Variants in MAMLD1 observed in about 807,000 individuals in gnomAD.
MAMLD1 encodes mastermind like domain containing 1, also known as mastermind-like domain-containing protein 1.
A neutral mutation model predicts 45.0 loss-of-function variants in MAMLD1; 14 were observed. The ratio of observed to expected loss-of-function variants is 0.31; its 90% CI spans 0.21 to 0.49. MAMLD1 has a LOEUF of 0.49. Ranked by LOEUF, MAMLD1 falls within the 20% of genes least tolerant of loss-of-function variation. The probability of loss-of-function intolerance (pLI) is 0.99; values close to 1 mark genes in which losing one functional copy is unlikely to be tolerated. For missense variants in MAMLD1, 543 were observed against 603.6 expected, an observed-to-expected ratio of 0.90 and a Z score of 1.05; for synonymous variants, 254 against 247.8, an observed-to-expected ratio of 1.02 and a Z score of -0.24.
chrX:150,390,114 G>A (rs1335014009), intron 1 of MAMLD1, among the ~76,000 whole-genome samples: 7 of 111,315 alleles, frequency 6.3e-5, no homozygotes, highest in Admixed American at 3.8e-4. Flanking sequence ...TTACCAGGCT[G>A]GAGTGCAGTG....
At chrX:150,497,800 A>C (rs2037433591) in intron 5 of MAMLD1, among the ~76,000 whole-genome samples, 1 of 111,944 alleles carries the variant, frequency 8.9e-6, no homozygotes, top group Non-Finnish European at 1.9e-5. Context: ...TACTTACTGC[A>C]ATAACAAAAG....
At chrX:150,364,993 G>T (rs2031296322) in intron 1 of MAMLD1, among the ~76,000 whole-genome samples, 1 of 112,049 alleles carries the variant, frequency 8.9e-6, no homozygotes, top group Non-Finnish European at 1.9e-5. Context: ...GGGGTCGACC[G>T]TGCACCCGCC....
chrX:150,466,616 G>A (rs983750711), intron 3 of MAMLD1, among the ~76,000 whole-genome samples: 4 of 112,482 alleles, frequency 3.6e-5, no homozygotes, highest in African/African-American at 9.7e-5. Context: ...AGTGGCATCC[G>A]CTCCAGCAGT....
chrX:150,503,307 GCCAGGCACCC>G lies in MAMLD1; in HGVS notation c.2080_2089del (p.His694SerfsTer450). 8.2e-7 allele frequency: 1 copy of G among 1,212,145 alleles called. No individual in the cohort carries two copies. The highest frequency in any genetic ancestry group is 1.1e-6 in the Non-Finnish European group (1 of 895,431). Reference sequence around the variant, plus strand: ...AGACAAAGCCTGCAAGCTTGGGGAAGCCAGGCACCCCCAGGTCAGCCTCGGGCGACAGCCC... The same window carrying G: ...AGACAAAGCCTGCAAGCTTGGGGAAGCCAGGTCAGCCTCGGGCGACAGCCC... On this transcript the variant is annotated frameshift_variant, in exon 6 of 8. Coordinates refer to ENST00000370401, the MANE Select transcript of MAMLD1 (RefSeq NM_005491.5). LOFTEE classifies it high-confidence loss of function.
chrX:150,381,156 A>G (rs1442652326), intron 1 of MAMLD1, among the ~76,000 whole-genome samples: 1 of 111,674 alleles, frequency 9.0e-6, no homozygotes, highest in Non-Finnish European at 1.9e-5. Context: ...CCACTGGTCA[A>G]TTTGCCTATT....
At chrX:150,494,494 TGA>T (rs2148344074) in intron 5 of MAMLD1, among the ~76,000 whole-genome samples, 1 of 112,895 alleles carries the variant, frequency 8.9e-6, no homozygotes, top group East Asian at 2.8e-4. Flanking sequence ...GATCCTCATG[TGA>T]CCTTCCTGAT....
chrX:150,470,748 C>A lies in MAMLD1; in HGVS notation c.1175C>A (p.Thr392Lys), dbSNP rs913468414. ...GSPNALLSSM[T>K]SSSNAALGPA... is the part of the protein sequence containing the mutation. Reference sequence around the variant, plus strand: ...CCCAATGCCTTACTGTCAAGCATGACGTCCAGCAGCAATGCTGCCCTGGGG... The same window carrying A: ...CCCAATGCCTTACTGTCAAGCATGAAGTCCAGCAGCAATGCTGCCCTGGGG... Residue 392 changes from threonine (T) to lysine (K), a missense_variant, in exon 4 of 8, where the codon ACG becomes AAG. Thr to Lys is a moderately conservative substitution (Grantham distance 78, BLOSUM62 -1). Transcript: ENST00000370401. The A allele has an allele frequency of 1.7e-6, 2 of 1,211,999 alleles. No homozygotes were observed. Among genetic ancestry groups the A allele is most frequent in the Non-Finnish European group, 2.2e-6 (2 of 895,558 alleles).
At chrX:150,478,458 C>G (rs2036649076) in intron 5 of MAMLD1, among the ~76,000 whole-genome samples, 1 of 112,789 alleles carries the variant, frequency 8.9e-6, no homozygotes, top group Non-Finnish European at 1.9e-5. Context: ...CTGCATTCCT[C>G]TCTCGTTTTG....
intron 6 of MAMLD1, chrX:150,504,063 C>A (rs1366228976): frequency 2.7e-6 from 2 of 752,386 alleles, no homozygotes; most frequent in Non-Finnish European, 3.1e-6. Context: ...GATTGCCCTG[C>A]TGGAGGACTG....
chrX:150,425,842 G>A (rs1247725179), intron 1 of MAMLD1, among the ~76,000 whole-genome samples: 2 of 112,475 alleles, frequency 1.8e-5, no homozygotes, highest in Non-Finnish European at 3.8e-5. Context: ...TGTACCTTGT[G>A]GGGTTGTTGG....
At chrX:150,453,626 C>T (rs782149928) in intron 2 of MAMLD1, among the ~76,000 whole-genome samples, 1 of 111,926 alleles carries the variant, frequency 8.9e-6, no homozygotes, top group African/African-American at 3.2e-5. Flanking sequence ...GAAGCCAATC[C>T]TTCCTCTGCT....
chrX:150,427,329 C>T (rs2034743024), intron 1 of MAMLD1, among the ~76,000 whole-genome samples: 1 of 112,441 alleles, frequency 8.9e-6, no homozygotes, highest in Non-Finnish European at 1.9e-5. Flanking sequence ...AATTACTCTG[C>T]CATCAACATT....
At chrX:150,489,569 C>A (rs1423546558) in intron 5 of MAMLD1, among the ~76,000 whole-genome samples, 5 of 104,829 alleles carry the variant, frequency 4.8e-5, no homozygotes, top group African/African-American at 1.7e-4. Context: ...GCGGTTTTTA[C>A]CATTAAAAGT....
In MAMLD1 at chrX:150,495,027, G is replaced by A. The variant is rs186692485; in HGVS notation, c.2041-8247G>A. On this transcript the variant is annotated intron_variant, in intron 5 of 7. Coordinates refer to ENST00000370401, the MANE Select transcript of MAMLD1 (RefSeq NM_005491.5). The stretch of plus-strand genomic sequence containing the variant: ...TCAAGACCAGCCTGGCCAACATGGC[G>A]AAATCCTGTCTCTACTAAAAATACA... 8.0e-5 allele frequency among the ~76,000 whole-genome samples: 9 copies of A among 112,108 alleles called. No individual in the cohort carries two copies. The South Asian group carries it at 1.5e-3, about 18-fold the overall frequency.
At chrX:150,362,483 G>A (rs192621860), upstream of MAMLD1, among the ~76,000 whole-genome samples, 3 of 104,652 alleles carry the variant, frequency 2.9e-5, no homozygotes, top group East Asian at 6.0e-4. Context: ...TCCCTTCATC[G>A]TGTCTCTACC....
rs1557402770 is a variant in MAMLD1 at position 150,409,497 on chromosome X, T to A, written c.-63-35957T>A. On this transcript the variant is annotated intron_variant, in intron 1 of 7. Coordinates refer to ENST00000370401, the MANE Select transcript of MAMLD1 (RefSeq NM_005491.5). Reference sequence around the variant, plus strand: ...CCTCACCCCAGATAAGTATTGCATGTCTGAAAAAGGCTTTGAAGAGAGATG... The same window carrying A: ...CCTCACCCCAGATAAGTATTGCATGACTGAAAAAGGCTTTGAAGAGAGATG... Among the ~76,000 whole-genome samples the A allele has an allele frequency of 4.8e-3, 539 of 111,353 alleles. 2 individuals carry two copies. The highest frequency in any genetic ancestry group is 0.017 in the African/African-American group (519 of 30,571).
intron 1 of MAMLD1, among the ~76,000 whole-genome samples, chrX:150,373,452 G>GCTCT (rs1232763008): frequency 2.3e-4 from 23 of 100,595 alleles, no homozygotes; most frequent in African/African-American, 8.1e-4. Flanking sequence ...GTTGTGAAGA[G>GCTCT]CTCTCTCTCT....
At chrX:150,380,968 C>T (rs935825570) in intron 1 of MAMLD1, among the ~76,000 whole-genome samples, 2 of 110,811 alleles carry the variant, frequency 1.8e-5, no homozygotes, top group South Asian at 7.7e-4. Context: ...TTCCAAAATG[C>T]TGGGATTATA....
In MAMLD1 at chrX:150,466,787, AGTGGCCCCAGCTG is replaced by A. The variant is rs201478841; in HGVS notation, c.172-2955_172-2943del. Among the ~76,000 whole-genome samples, 228 of 111,479 alleles carry A rather than the reference AGTGGCCCCAGCTG, an allele frequency of 2.0e-3. 1 individual carries two copies. Among genetic ancestry groups the A allele is most frequent in the African/African-American group, 6.6e-3 (203 of 30,661 alleles). Reference sequence around the variant, plus strand: ...GAGGTGCAGCCTCCTTCCCTTTGCCAGTGGCCCCAGCTGGTACCTTTAGTGTCTGGTGGTCATG... The same window carrying A: ...GAGGTGCAGCCTCCTTCCCTTTGCCAGTACCTTTAGTGTCTGGTGGTCATG... On this transcript the variant is annotated intron_variant, in intron 3 of 7. Coordinates refer to ENST00000370401, the MANE Select transcript of MAMLD1 (RefSeq NM_005491.5).
Sources: gnomAD v4.1 joint callset for allele counts (sites outside exome capture counted in the v4.1 genomes callset) on GRCh38, gnomAD v4.1.1 for gene constraint, MANE v1.5 for transcripts, NCBI Gene and HGNC (gene_info 2026-07-23, HGNC 2026-07-21) for gene names.